ASIC2: variants seen among roughly 807,000 people sequenced by gnomAD.
ASIC2 encodes acid sensing ion channel subunit 2, also known as acid-sensing ion channel 2.
In ASIC2, 25 loss-of-function variants were observed where a neutral mutation model predicts 57.3. The observed-to-expected ratio is 0.44, with a 90% CI of 0.32 to 0.61. ASIC2 has a LOEUF of 0.61. Among genes scored for constraint, ASIC2 ranks in the 20% least tolerant of loss-of-function variants. ASIC2 has a pLI of 0.06. For synonymous variants in ASIC2, 319 were observed against 307.5 expected, an observed-to-expected ratio of 1.04 and a Z score of -0.39; for missense variants, 641 against 738.1, an observed-to-expected ratio of 0.87 and a Z score of 1.52.
At chr17:33,194,915 CTT>C (rs1906565398) in intron 1 of ASIC2, among the ~76,000 whole-genome samples, 1 of 152,154 alleles carries the variant, frequency 6.6e-6, no homozygotes, top group Non-Finnish European at 1.5e-5. Context: ...GAGTGGGAAA[CTT>C]TGGGGAAAGA....
At chr17:33,879,481 A>G (rs535797937) in intron 1 of ASIC2, among the ~76,000 whole-genome samples, 2 of 152,372 alleles carry the variant, frequency 1.3e-5, no homozygotes, top group Admixed American at 1.3e-4. Flanking sequence ...CAGACTTTAA[A>G]TCAACAAAGA....
At chr17:33,136,893 C>T (rs929133680) in intron 1 of ASIC2, among the ~76,000 whole-genome samples, 1 of 152,214 alleles carries the variant, frequency 6.6e-6, no homozygotes, top group African/African-American at 2.4e-5. Flanking sequence ...AGTTAGGAGT[C>T]CCAAACCTGC....
intron 1 of ASIC2, among the ~76,000 whole-genome samples, chr17:33,873,242 C>T (rs546045849): frequency 6.6e-6 from 1 of 152,298 alleles, no homozygotes; most frequent in African/African-American, 2.4e-5. Context: ...AGGATTATCC[C>T]CCTTCCCAGT....
intron 1 of ASIC2, among the ~76,000 whole-genome samples, chr17:33,774,998 G>A (rs986906173): frequency 2.0e-5 from 3 of 152,196 alleles, no homozygotes; most frequent in Non-Finnish European, 2.9e-5. Context: ...TTTAATCCAG[G>A]AGGACAGAGT....
intron 1 of ASIC2, among the ~76,000 whole-genome samples, chr17:34,127,781 C>A (rs1336272129): frequency 6.6e-6 from 1 of 152,108 alleles, no homozygotes; most frequent in Non-Finnish European, 1.5e-5. Context: ...GAAACTGTCC[C>A]ATGCAAGGAA....
intron 1 of ASIC2, among the ~76,000 whole-genome samples, chr17:33,377,520 C>A (rs1346281915): frequency 6.6e-6 from 1 of 152,218 alleles, no homozygotes; most frequent in Non-Finnish European, 1.5e-5. Flanking sequence ...TTGACCCAAT[C>A]GCATTCATCT....
chr17:33,886,683 T>TAC (rs1179962004), intron 1 of ASIC2, among the ~76,000 whole-genome samples: 1 of 152,128 alleles, frequency 6.6e-6, no homozygotes, highest in Non-Finnish European at 1.5e-5. Flanking sequence ...TCTCCTAAAT[T>TAC]ACACTGTCCT....
At chr17:33,582,719 C>T (rs1904484201) in intron 1 of ASIC2, among the ~76,000 whole-genome samples, 1 of 152,144 alleles carries the variant, frequency 6.6e-6, no homozygotes, top group Non-Finnish European at 1.5e-5. Context: ...ATTTTTGTTT[C>T]TCCAACAAGG....
intron 1 of ASIC2, among the ~76,000 whole-genome samples, chr17:33,378,383 G>T (rs1474936270): frequency 3.3e-5 from 5 of 152,182 alleles, no homozygotes; most frequent in African/African-American, 1.2e-4. Context: ...AAACCCCAGA[G>T]GCTTCCTCAG....
intron 1 of ASIC2, among the ~76,000 whole-genome samples, chr17:33,881,060 GC>G (rs749381862): frequency 9.9e-5 from 15 of 152,230 alleles, no homozygotes; most frequent in African/African-American, 3.1e-4. Flanking sequence ...AAATTCAACA[GC>G]CCTTCATGCT....
intron 1 of ASIC2, among the ~76,000 whole-genome samples, chr17:33,738,014 A>C (rs1567701977): frequency 2.6e-5 from 4 of 152,254 alleles, no homozygotes; most frequent in Admixed American, 6.5e-5. Context: ...AATTGCTGGT[A>C]AGATTTAATA....
At chr17:33,810,866 C>T (rs1373684640) in intron 1 of ASIC2, among the ~76,000 whole-genome samples, 1 of 76,390 alleles carries the variant, frequency 1.3e-5, no homozygotes, top group East Asian at 2.8e-4. Context: ...GAACTATGCA[C>T]ACACACATAC....
intron 1 of ASIC2, among the ~76,000 whole-genome samples, chr17:33,395,169 T>C (rs562270467): frequency 5.2e-4 from 79 of 151,720 alleles, no homozygotes; most frequent in African/African-American, 1.8e-3. Context: ...CCCACCCATT[T>C]ACCCATCCAC....
At chr17:33,849,277 G>A (rs953315884) in intron 1 of ASIC2, among the ~76,000 whole-genome samples, 3 of 152,206 alleles carry the variant, frequency 2.0e-5, no homozygotes, top group Admixed American at 6.5e-5. Context: ...GGAAGAGCAA[G>A]CATGAAGGAC....
At position 33,292,757 on chromosome 17, in the gene ASIC2, C is replaced by A. The variant is rs1905551139; in HGVS notation, c.-642G>T. The A allele has an allele frequency of 3.0e-6, 3 of 985,806 alleles. No homozygotes were observed. The highest frequency in any genetic ancestry group is 3.6e-6 in the Non-Finnish European group (3 of 830,414). 61.1% of individuals were successfully genotyped at this position (985,806 alleles called of 1,614,324 possible). A position where few individuals can be genotyped will look rare whatever the true frequency, so the allele number is the denominator to read the frequency against. On this transcript the variant is annotated 5_prime_UTR_variant, in exon 1 of 10. Transcript: ENST00000225823. ...TGAGTGGTCGCCTTGCCGGCTGCCGCCTTCTTTCCCTTCCCCTCCAGGACC... is the reference window on the plus strand; with the variant it reads ...TGAGTGGTCGCCTTGCCGGCTGCCGACTTCTTTCCCTTCCCCTCCAGGACC...
intron 1 of ASIC2, among the ~76,000 whole-genome samples, chr17:33,121,697 G>C (rs927752008): frequency 1.3e-5 from 2 of 152,122 alleles, no homozygotes; most frequent in African/African-American, 4.8e-5. Context: ...GCTCTACTAA[G>C]AGGCGGGCAG....
intron 1 of ASIC2, among the ~76,000 whole-genome samples, chr17:33,266,846 A>G (rs1263035832): frequency 1.6e-4 from 24 of 152,266 alleles, no homozygotes; most frequent in Non-Finnish European, 7.3e-5. Context: ...CTGTGACTTT[A>G]TTTCCAGTAC....
intron 1 of ASIC2, among the ~76,000 whole-genome samples, chr17:33,586,425 T>G (rs1042784307): frequency 2.6e-5 from 4 of 152,202 alleles, no homozygotes; most frequent in African/African-American, 9.6e-5. Context: ...TACAACCCAC[T>G]GATTGATCAT....
In ASIC2 at chr17:33,143,766, C is replaced by A. The variant is rs1476845041; in HGVS notation, c.709-31699G>T. ...AAAAAACCCCCATAAAACAAAAAATCCAACCCTAAGCTAGTATTCCACATC... is the reference window on the plus strand; with the variant it reads ...AAAAAACCCCCATAAAACAAAAAATACAACCCTAAGCTAGTATTCCACATC... On this transcript the variant is annotated intron_variant, in intron 1 of 9. Transcript: ENST00000225823. 1.6e-4 allele frequency among the ~76,000 whole-genome samples: 25 copies of A among 152,098 alleles called. 1 individual carries two copies. Among genetic ancestry groups the A allele is most frequent in the Admixed American group, 1.6e-3 (25 of 15,264 alleles).
Sources: allele counts gnomAD v4.1 joint callset (sites outside exome capture counted in the v4.1 genomes callset), GRCh38; gene constraint gnomAD v4.1.1; transcripts MANE v1.5; gene names NCBI Gene and HGNC (gene_info 2026-07-23, HGNC 2026-07-21).